WWOX: variants seen among roughly 807,000 people sequenced by gnomAD.
The protein encoded by WWOX is WW domain-containing oxidoreductase.
WWOX carries 69 observed loss-of-function variants against 46.2 expected under a neutral mutation model. That is an observed-to-expected ratio of 1.49 (90% confidence interval 1.23 to 1.82). The LOEUF is 1.82. Ranked by LOEUF, WWOX falls within the 40% of genes most tolerant of loss-of-function variation. The pLI, the probability that WWOX is intolerant of heterozygous loss-of-function variation, is 0.00. For missense variants in WWOX, 919 were observed against 542.6 expected (o/e 1.69, Z -6.89); for synonymous variants, 359 against 202.6 (o/e 1.77, Z -6.56).
intron 8 of WWOX, among the ~76,000 whole-genome samples, chr16:79,174,038 C>G (rs2050752486): frequency 6.6e-6 from 1 of 152,150 alleles, no homozygotes; most frequent in African/African-American, 2.4e-5. Flanking sequence ...TCAAGATACG[C>G]AATTGTAAGT....
intron 5 of WWOX, among the ~76,000 whole-genome samples, chr16:78,318,018 C>T (rs926863871): frequency 1.3e-5 from 2 of 152,076 alleles, no homozygotes; most frequent in East Asian, 1.9e-4. Flanking sequence ...GTATTTGGAC[C>T]GCTGCCTGCT....
At chr16:78,160,090 A>G (rs1480008689) in intron 4 of WWOX, among the ~76,000 whole-genome samples, 1 of 150,442 alleles carries the variant, frequency 6.6e-6, no homozygotes, top group Non-Finnish European at 1.5e-5. Flanking sequence ...TTTTATTTCC[A>G]TCGTTCTGCT....
chr16:78,753,922 G>T (rs1387859409), intron 8 of WWOX, among the ~76,000 whole-genome samples: 1 of 140,920 alleles, frequency 7.1e-6, no homozygotes, highest in Non-Finnish European at 1.5e-5. Context: ...AAGGTCACAT[G>T]ACTTTTAAGT....
intron 8 of WWOX, among the ~76,000 whole-genome samples, chr16:78,841,879 A>C (rs1462715014): frequency 2.6e-5 from 4 of 152,166 alleles, no homozygotes; most frequent in African/African-American, 9.7e-5. Flanking sequence ...GTTATACAAT[A>C]TTTCTTTTGA....
chr16:78,855,987 C>T (rs2052557075), intron 8 of WWOX, among the ~76,000 whole-genome samples: 1 of 152,182 alleles, frequency 6.6e-6, no homozygotes, highest in South Asian at 2.1e-4. Context: ...CACAAGGTAC[C>T]CAAGAAGGAG....
At chr16:78,915,230 C>G (rs745588939) in intron 8 of WWOX, among the ~76,000 whole-genome samples, 2 of 152,102 alleles carry the variant, frequency 1.3e-5, no homozygotes, top group African/African-American at 2.4e-5. Context: ...TGGGTTGTAC[C>G]GATTAAGAGG....
intron 8 of WWOX, among the ~76,000 whole-genome samples, chr16:79,162,620 A>G (rs952815158): frequency 6.6e-6 from 1 of 152,178 alleles, no homozygotes; most frequent in Non-Finnish European, 1.5e-5. Flanking sequence ...TGGGAGATGC[A>G]AACAGTTTGC....
At chr16:78,317,659 T>G (rs940908261) in intron 5 of WWOX, among the ~76,000 whole-genome samples, 1 of 152,146 alleles carries the variant, frequency 6.6e-6, no homozygotes, top group Admixed American at 6.5e-5. Flanking sequence ...CTGCCTCGTT[T>G]AGGCTCTGGA....
intron 8 of WWOX, among the ~76,000 whole-genome samples, chr16:79,194,282 G>C (rs903709865): frequency 2.0e-5 from 3 of 152,032 alleles, no homozygotes; most frequent in African/African-American, 7.2e-5. Context: ...TTTTTCCTTT[G>C]GCCTTCAAAG....
At chr16:78,371,316 A>G (rs2081678404) in intron 5 of WWOX, among the ~76,000 whole-genome samples, 1 of 152,172 alleles carries the variant, frequency 6.6e-6, no homozygotes, top group Non-Finnish European at 1.5e-5. Context: ...TTCAATTTCT[A>G]GTTTAACTGC....
chr16:78,530,426 G>A (rs1270475076), intron 8 of WWOX, among the ~76,000 whole-genome samples: 1 of 152,176 alleles, frequency 6.6e-6, no homozygotes, highest in African/African-American at 2.4e-5. Context: ...CTAAAAAGAA[G>A]ACAAAGCAGG....
chr16:78,851,627 G>A (rs1454407232), intron 8 of WWOX, among the ~76,000 whole-genome samples: 2 of 152,218 alleles, frequency 1.3e-5, no homozygotes, highest in African/African-American at 2.4e-5. Context: ...ACCTAGGACA[G>A]TGTCAGACAC....
chr16:78,805,016 G>A (rs1427486977), intron 8 of WWOX, among the ~76,000 whole-genome samples: 1 of 152,226 alleles, frequency 6.6e-6, no homozygotes, highest in African/African-American at 2.4e-5. Context: ...AGCTTTGCAT[G>A]AGCAAAATGC....
chr16:78,178,863 C>CAAA (rs5818110), intron 5 of WWOX, among the ~76,000 whole-genome samples: 3 of 138,878 alleles, frequency 2.2e-5, no homozygotes. Context: ...GATTCCGTCT[C>CAAA]AAAAAAAAAA....
intron 8 of WWOX, chr16:78,825,836 G>T (rs1014329840): frequency 1.6e-6 from 1 of 612,144 alleles, no homozygotes; most frequent in African/African-American, 1.8e-5. Context: ...CAAGGTGAAG[G>T]TCATGCTGCC....
At chr16:78,418,799 CAATA>C (rs1343588989) in intron 6 of WWOX, among the ~76,000 whole-genome samples, 3 of 152,040 alleles carry the variant, frequency 2.0e-5, no homozygotes, top group Non-Finnish European at 4.4e-5. Flanking sequence ...TTTCTCAACT[CAATA>C]AAGGGCATCT....
At chr16:78,400,829 T>A (rs530238007) in intron 6 of WWOX, among the ~76,000 whole-genome samples, 1 of 152,214 alleles carries the variant, frequency 6.6e-6, no homozygotes, top group Non-Finnish European at 1.5e-5. Flanking sequence ...AATAGCACTT[T>A]GTTACTTGTT....
chr16:78,797,162 C>G (rs1018173754), intron 8 of WWOX, among the ~76,000 whole-genome samples: 2 of 151,988 alleles, frequency 1.3e-5, no homozygotes, highest in African/African-American at 4.8e-5. Context: ...GGAAATCGTA[C>G]CTGCCCTGTC....
intron 8 of WWOX, among the ~76,000 whole-genome samples, chr16:79,043,975 C>T (rs953547920): frequency 6.6e-6 from 1 of 152,168 alleles, no homozygotes; most frequent in African/African-American, 2.4e-5. Flanking sequence ...TCCTTGTGGC[C>T]AGGGACAATG....
Sources: allele counts gnomAD v4.1 joint callset (sites outside exome capture counted in the v4.1 genomes callset), GRCh38; gene constraint gnomAD v4.1.1; transcripts MANE v1.5; gene names NCBI Gene and HGNC (gene_info 2026-07-23, HGNC 2026-07-21).